Variants in PCDHGA4 observed in about 807,000 individuals in gnomAD.
PCDHGA4 encodes protocadherin gamma-A4.
In PCDHGA4, 38 loss-of-function variants were observed where a neutral mutation model predicts 54.6. The observed-to-expected ratio is 0.70, with a 90% CI of 0.54 to 0.91. The LOEUF (loss-of-function observed/expected upper bound fraction) is 0.91, where lower values mean the gene tolerates loss of function less well. PCDHGA4 is among the 40% of genes least tolerant of loss of function. The probability of loss-of-function intolerance (pLI) is 0.00; values close to 1 mark genes in which losing one functional copy is unlikely to be tolerated. For synonymous variants in PCDHGA4, 511 were observed against 512.9 expected (o/e 1.00, Z 0.05); for missense variants, 1,298 against 1,220.9 (o/e 1.06, Z -0.94).
chr5:141,400,368 C>T lies in PCDHGA4; in HGVS notation c.2514+42747C>T. On this transcript the variant is annotated intron_variant, in intron 1 of 3. Coordinates refer to ENST00000571252, the MANE Select transcript of PCDHGA4 (RefSeq NM_018917.4). ...ACAGTCAGGGGACTTTGCCTTATTC[C>T]TACAACCTATGTGTTGCACATACAG... is the stretch of plus-strand genomic sequence containing the variant. 8.1e-6 allele frequency: 13 copies of T among 1,614,044 alleles called. No homozygotes were observed. The highest frequency in any genetic ancestry group is 1.6e-4 in the Middle Eastern group (1 of 6,062).
At chr5:141,467,537 A>G (rs2154569542) in intron 1 of PCDHGA4, among the ~76,000 whole-genome samples, 1 of 152,192 alleles carries the variant, frequency 6.6e-6, no homozygotes, top group Non-Finnish European at 1.5e-5. Context: ...TGAGATATGG[A>G]TCTGATTATA....
intron 3 of PCDHGA4, among the ~76,000 whole-genome samples, chr5:141,507,893 G>C (rs750472786): frequency 2.2e-4 from 33 of 152,356 alleles, no homozygotes; most frequent in Non-Finnish European, 4.1e-4. Context: ...AGAGGTTCCT[G>C]AAGTCCAGCC....
rs775299266 is a variant in PCDHGA4, at chr5:141,432,192, AC to A, written c.2515-62611del. On this transcript the variant is annotated intron_variant, in intron 1 of 3. Transcript: ENST00000571252. The surrounding 1 kb of genome is among the most constrained non-coding windows in gnomAD (Gnocchi z 6.0). ...TCCCTCGTCTCTGTGACCGCCCACG[AC>A]CCCGACTGTGAAGAGAACGCCCAGA... 5 of 1,613,812 alleles carry A rather than the reference AC, an allele frequency of 3.1e-6. No individual in the cohort carries two copies. Among genetic ancestry groups the A allele is most frequent in the Non-Finnish European group, 4.2e-6 (5 of 1,179,996 alleles).
intron 1 of PCDHGA4, chr5:141,360,356 A>G: frequency 6.2e-7 from 1 of 1,613,930 alleles, no homozygotes; most frequent in Non-Finnish European, 8.5e-7. Context: ...GAGAAGGAAT[A>G]TTTCACAGTA....
chr5:141,419,617 C>T (rs780077182), intron 1 of PCDHGA4: 2 of 1,612,280 alleles, frequency 1.2e-6, no homozygotes, highest in South Asian at 2.2e-5. Flanking sequence ...AGCCAGGCTA[C>T]CTGGTGACCA....
rs774682943 is a variant in PCDHGA4 at position 141,493,841 on chromosome 5, T to G, written c.2515-966T>G. Among the ~76,000 whole-genome samples the G allele has an allele frequency of 3.3e-5, 5 of 152,024 alleles. No homozygotes were observed. Among genetic ancestry groups the G allele is most frequent in the Non-Finnish European group, 7.4e-5 (5 of 68,010 alleles). On this transcript the variant is annotated intron_variant, in intron 1 of 3. Transcript: ENST00000571252. This position sits in a 1 kb window ranked among gnomAD's most constrained non-coding sequence, Gnocchi z 4.3. The stretch of plus-strand genomic sequence containing the variant: ...CTCTGCTTCTGGGAGCAAGTATGAG[T>G]ATTAATTACCAGCCCACCCCAGAAC...
In PCDHGA4 at chr5:141,356,194, A is replaced by C; in HGVS notation, c.1087A>C (p.Lys363Gln). 1.2e-6 allele frequency: 2 copies of C among 1,609,932 alleles called. No homozygotes were observed. Among genetic ancestry groups the C allele is most frequent in the Non-Finnish European group, 1.7e-6 (2 of 1,177,904 alleles). Residue 363 changes from lysine (K) to glutamine (Q), a missense_variant, in exon 1 of 4, where the codon AAG becomes CAG. By Grantham distance (53) the Lys-to-Gln change is moderately conservative. Coordinates refer to ENST00000571252, the MANE Select transcript of PCDHGA4 (RefSeq NM_018917.4). ...HDGPGLRARS[K>Q]VLVTVLDEND... ...TGGGCCTGGTCTCCGAGCTAGAAGC[A>C]AGGTACTGGTGACAGTTCTGGATGA...
chr5:141,393,892 C>A lies in PCDHGA4; in HGVS notation c.2514+36271C>A, dbSNP rs775134910. The A allele has an allele frequency of 1.2e-5, 19 of 1,613,856 alleles. No homozygotes were observed. Among genetic ancestry groups the A allele is most frequent in the Admixed American group, 6.7e-5 (4 of 60,000 alleles). ...TTGTTTAGCCCAGTGTTAGAAAATT[C>A]TCTTCCCGGGACAGTAATTGCCTTC... On this transcript the variant is annotated intron_variant, in intron 1 of 3. Transcript: ENST00000571252.
chr5:141,376,018 C>G (rs761668305), intron 1 of PCDHGA4: 2 of 1,613,312 alleles, frequency 1.2e-6, no homozygotes, highest in Admixed American at 1.7e-5. Context: ...TAGTGGTGGC[C>G]GTCCAGGACC....
intron 1 of PCDHGA4, chr5:141,371,396 GAT>G (rs1767721375): frequency 6.2e-7 from 1 of 1,613,880 alleles, no homozygotes; most frequent in Non-Finnish European, 8.5e-7. Context: ...GTAAAGTACA[GAT>G]AGATATTTCA....
intron 1 of PCDHGA4, chr5:141,385,016 C>T (rs536780147): frequency 1.2e-6 from 2 of 1,614,068 alleles, no homozygotes; most frequent in African/African-American, 1.3e-5. Flanking sequence ...GTCTTCCTAG[C>T]CTTCGTCCTC....
intron 1 of PCDHGA4, among the ~76,000 whole-genome samples, chr5:141,369,456 C>T (rs920730246): frequency 5.3e-5 from 8 of 152,070 alleles, no homozygotes; most frequent in Non-Finnish European, 8.8e-5. Flanking sequence ...TGCTTAAAGC[C>T]AGGTGTTCTA....
At chr5:141,509,344 T>A (rs2099876374) in intron 3 of PCDHGA4, among the ~76,000 whole-genome samples, 1 of 152,202 alleles carries the variant, frequency 6.6e-6, no homozygotes, top group Admixed American at 6.5e-5. Flanking sequence ...GGGCCTGGGC[T>A]GGCCTGGGCA....
chr5:141,480,946 G>A (rs1415705408), intron 1 of PCDHGA4, among the ~76,000 whole-genome samples: 1 of 152,172 alleles, frequency 6.6e-6, no homozygotes, highest in Non-Finnish European at 1.5e-5. Context: ...TCTAGAGGCT[G>A]AGGCGGAAGC....
rs553587727 is a variant in PCDHGA4, at chr5:141,419,523, G to A, written c.2514+61902G>A. The A allele has an allele frequency of 2.1e-4, 343 of 1,612,204 alleles. 3 individuals are homozygous for A. The South Asian group carries it at 3.5e-3, about 17-fold the overall frequency. ...AGCCTGCGCGTGTTGGTGGGCGACC[G>A]TAACGACAACGCACCGCGGGTGCTG... On this transcript the variant is annotated intron_variant, in intron 1 of 3. Coordinates refer to ENST00000571252, the MANE Select transcript of PCDHGA4 (RefSeq NM_018917.4).
In PCDHGA4 at chr5:141,489,098, T is replaced by C; in HGVS notation, c.2515-5709T>C. 1 of 293,346 alleles carries C rather than the reference T, an allele frequency of 3.4e-6. No homozygotes were observed. The highest frequency in any genetic ancestry group is 5.5e-5 in the South Asian group (1 of 18,124). The allele number at this position is 293,346 out of a possible 1,614,324, so 18.2% of individuals were successfully genotyped here. A position where few individuals can be genotyped will look rare whatever the true frequency, so the allele number is the denominator to read the frequency against. ...CCCCCGCCACTCGGTGACTAAGAAC[T>C]GCTGCAAGCAGGCAAACCTCCGAGC... On this transcript the variant is annotated intron_variant, in intron 1 of 3. Transcript: ENST00000571252. The surrounding 1 kb of genome is among the most constrained non-coding windows in gnomAD (Gnocchi z 4.5).
At chr5:141,414,414 C>T (rs376404716) in intron 1 of PCDHGA4, 4 of 1,613,830 alleles carry the variant, frequency 2.5e-6, no homozygotes, top group South Asian at 1.1e-5. Context: ...TACACAGAGC[C>T]CTTGACAGGG....
chr5:141,491,945 C>T lies in PCDHGA4; in HGVS notation c.2515-2862C>T. ...GAGGGGAGGTGGGACCGACCCCCAC[C>T]CCTACACTCAAAAAAGGCCGGGGCC... On this transcript the variant is annotated intron_variant, in intron 1 of 3. Coordinates refer to ENST00000571252, the MANE Select transcript of PCDHGA4 (RefSeq NM_018917.4). The surrounding 1 kb of genome is among the most constrained non-coding windows in gnomAD (Gnocchi z 6.9). 1.8e-6 allele frequency: 2 copies of T among 1,116,616 alleles called. No individual in the cohort carries two copies. 69.2% of individuals were successfully genotyped at this position (1,116,616 alleles called of 1,614,324 possible). A position where few individuals can be genotyped will look rare whatever the true frequency, so the allele number is the denominator to read the frequency against.
chr5:141,379,813 T>C (rs1775841720), intron 1 of PCDHGA4, among the ~76,000 whole-genome samples: 1 of 150,950 alleles, frequency 6.6e-6, no homozygotes, highest in South Asian at 2.1e-4. Flanking sequence ...GAGAGTTCAG[T>C]ATAGAATTTT....
Sources: gnomAD v4.1 joint callset for allele counts (sites outside exome capture counted in the v4.1 genomes callset) on GRCh38, gnomAD v4.1.1 for gene constraint, Gnocchi (gnomAD v3.1) non-coding constraint, MANE v1.5 for transcripts, NCBI Gene and HGNC (gene_info 2026-07-23, HGNC 2026-07-21) for gene names.